The following TAX1BP1 variants were observed in gnomAD, a reference collection of about 807,000 sequenced individuals.
TAX1BP1 encodes Tax1 binding protein 1.
In TAX1BP1, 62 loss-of-function variants were observed where a neutral mutation model predicts 97.7. The observed-to-expected ratio is 0.63, with a 90% CI of 0.52 to 0.78. TAX1BP1 has a LOEUF of 0.78. Ranked by LOEUF, TAX1BP1 falls within the 30% of genes least tolerant of loss-of-function variation. TAX1BP1 has a pLI of 0.00. For synonymous variants in TAX1BP1, 340 were observed against 304.2 expected, an observed-to-expected ratio of 1.12 and a Z score of -1.23; for missense variants, 867 against 916.1, an observed-to-expected ratio of 0.95 and a Z score of 0.69.
chr7:27,762,280 A>G (rs1207302306), intron 3 of TAX1BP1, among the ~76,000 whole-genome samples: 1 of 152,182 alleles, frequency 6.6e-6, no homozygotes, highest in Non-Finnish European at 1.5e-5. Flanking sequence ...TTTAGATAAT[A>G]AAATTTAGGT....
chr7:27,826,833 G>A (rs1791193868), intron 15 of TAX1BP1, among the ~76,000 whole-genome samples: 1 of 152,158 alleles, frequency 6.6e-6, no homozygotes, highest in South Asian at 2.1e-4. Flanking sequence ...GCAGAGTTTT[G>A]AGGCTTGTAG....
At chr7:27,815,127 T>A (rs1790718253) in intron 13 of TAX1BP1, among the ~76,000 whole-genome samples, 1 of 152,186 alleles carries the variant, frequency 6.6e-6, no homozygotes, top group Non-Finnish European at 1.5e-5. Flanking sequence ...TCCTTTCCAG[T>A]CTACCTTAAT....
At chr7:27,786,118 G>A (rs917373381) in intron 7 of TAX1BP1, among the ~76,000 whole-genome samples, 3 of 151,126 alleles carry the variant, frequency 2.0e-5, no homozygotes, top group African/African-American at 4.9e-5. Context: ...AATCTTGACC[G>A]CTTGAAGTTT....
chr7:27,742,106 G>A (rs1029919766), intron 1 of TAX1BP1, among the ~76,000 whole-genome samples: 1 of 152,054 alleles, frequency 6.6e-6, no homozygotes, highest in Non-Finnish European at 1.5e-5. Context: ...GACATTCCAT[G>A]CCCAGGGACG....
At chr7:27,813,145 CTTTTT>C (rs57301512) in intron 13 of TAX1BP1, among the ~76,000 whole-genome samples, 7 of 108,938 alleles carry the variant, frequency 6.4e-5, no homozygotes, top group South Asian at 3.2e-4. Flanking sequence ...CTTTGTTCTG[CTTTTT>C]TTTTTTTTTT....
At position 27,740,205 on chromosome 7, in the gene TAX1BP1, T is replaced by TGATGGCGGATCAGGATCGGAAGCC. The variant is rs1366841631; in HGVS notation, c.-71_-48dup. ...GTAGTGGCGGAAGAGGTTCGGCGGC[T>TGATGGCGGATCAGGATCGGAAGCC]GATGGCGGATCAGGATCGGAAGCCT... On this transcript the variant is annotated 5_prime_UTR_variant, in exon 1 of 17. In the 5' UTR this introduces an upstream ATG that the reference lacks. Coordinates refer to ENST00000396319, the MANE Select transcript of TAX1BP1 (RefSeq NM_006024.7). 6.6e-6 allele frequency: 1 copy of TGATGGCGGATCAGGATCGGAAGCC among 152,564 alleles called. No individual in the cohort carries two copies. Among genetic ancestry groups the TGATGGCGGATCAGGATCGGAAGCC allele is most frequent in the Non-Finnish European group, 1.5e-5 (1 of 68,380 alleles). The allele number at this position is 152,564 out of a possible 1,614,324, so 9.5% of individuals were successfully genotyped here.
At chr7:27,796,303 C>T (rs761946007) in intron 12 of TAX1BP1, 84 bp downstream of exon 12, 33 of 1,124,262 alleles carry the variant, frequency 2.9e-5, no homozygotes, top group Non-Finnish European at 3.9e-5. Context: ...TGATTGGTAT[C>T]TTTGAGTTTC....
chr7:27,817,587 C>G (rs991958250), intron 15 of TAX1BP1, among the ~76,000 whole-genome samples: 2 of 152,088 alleles, frequency 1.3e-5, no homozygotes, highest in Admixed American at 6.6e-5. Flanking sequence ...GGTAGGATTT[C>G]TTATTCTCTG....
intron 15 of TAX1BP1, among the ~76,000 whole-genome samples, chr7:27,821,269 G>T (rs925988960): frequency 6.6e-6 from 1 of 152,036 alleles, no homozygotes; most frequent in Non-Finnish European, 1.5e-5. Context: ...TGTTATTAAT[G>T]AGTTTAAAGA....
intron 1 of TAX1BP1, among the ~76,000 whole-genome samples, chr7:27,748,032 C>T (rs1043870500): frequency 6.6e-6 from 1 of 151,914 alleles, no homozygotes; most frequent in Non-Finnish European, 1.5e-5. Context: ...ATGGGATGGG[C>T]TAGGTTAGGG....
chr7:27,807,523 C>T (rs2107413), intron 13 of TAX1BP1, among the ~76,000 whole-genome samples: 120,267 of 152,014 alleles, frequency 0.79, 48,538 homozygotes, highest in African/African-American at 0.95. Flanking sequence ...TATTTCATCA[C>T]GATGAAACTT....
intron 15 of TAX1BP1, among the ~76,000 whole-genome samples, chr7:27,821,472 A>T (rs1460636860): frequency 6.6e-6 from 1 of 151,938 alleles, no homozygotes; most frequent in Non-Finnish European, 1.5e-5. Context: ...CTCTACTAAA[A>T]ATACAAAAAA....
At chr7:27,816,717 T>C (rs752634365) in intron 14 of TAX1BP1, among the ~76,000 whole-genome samples, 173 bp from the exon 15 acceptor site, 4 of 152,256 alleles carry the variant, frequency 2.6e-5, no homozygotes, top group Admixed American at 6.5e-5. Context: ...GAGTACTTTA[T>C]TTACTTATTG....
chr7:27,741,646 G>A (rs1487107501), intron 1 of TAX1BP1, among the ~76,000 whole-genome samples: 1 of 151,978 alleles, frequency 6.6e-6, no homozygotes, highest in Non-Finnish European at 1.5e-5. Context: ...GATTACAGGC[G>A]CGCACCACCA....
chr7:27,786,307 AT>A (rs539150799), intron 7 of TAX1BP1, among the ~76,000 whole-genome samples: 1 of 151,268 alleles, frequency 6.6e-6, no homozygotes, highest in East Asian at 1.9e-4. Context: ...AATTTTTTGT[AT>A]TTTTTTAGTA....
chr7:27,766,898 G>A (rs1788668509), intron 4 of TAX1BP1, among the ~76,000 whole-genome samples: 1 of 152,090 alleles, frequency 6.6e-6, no homozygotes, highest in African/African-American at 2.4e-5. Context: ...TACTTCTGAT[G>A]AAATGAATAA....
chr7:27,765,601 C>G (rs1476970312), intron 3 of TAX1BP1, among the ~76,000 whole-genome samples: 1 of 151,728 alleles, frequency 6.6e-6, no homozygotes, highest in Non-Finnish European at 1.5e-5. Flanking sequence ...AGTGAAGATA[C>G]AAGGGGAAAG....
At chr7:27,822,545 C>T (rs556830851) in intron 15 of TAX1BP1, among the ~76,000 whole-genome samples, 1 of 152,204 alleles carries the variant, frequency 6.6e-6, no homozygotes, top group African/African-American at 2.4e-5. Flanking sequence ...ACACTTGTTA[C>T]TGTCTTTGTG....
At chr7:27,767,988 TG>T (rs1788704374) in intron 4 of TAX1BP1, among the ~76,000 whole-genome samples, 1 of 151,996 alleles carries the variant, frequency 6.6e-6, no homozygotes, top group Non-Finnish European at 1.5e-5. Flanking sequence ...ACATTAAAAG[TG>T]ATTAGTGAGA....
Sources: gnomAD v4.1 joint callset for allele counts (sites outside exome capture counted in the v4.1 genomes callset) on GRCh38, gnomAD v4.1.1 for gene constraint, MANE v1.5 for transcripts, NCBI Gene and HGNC (gene_info 2026-07-23, HGNC 2026-07-21) for gene names.